The following ATP11C variants were observed in gnomAD, a reference collection of about 807,000 sequenced individuals.
The protein encoded by ATP11C is ATPase phospholipid transporting 11C (ATP11C blood group), also known as phospholipid-transporting ATPase IG.
ATP11C carries 36 observed loss-of-function variants against 97.4 expected under a neutral mutation model. That is an observed-to-expected ratio of 0.37 (90% confidence interval 0.28 to 0.49). The LOEUF is 0.49. ATP11C is among the 20% of genes least tolerant of loss of function. The pLI is 0.98. For synonymous variants in ATP11C, 275 were observed against 290.9 expected, an observed-to-expected ratio of 0.95 and a Z score of 0.56; for missense variants, 730 against 824.6, an observed-to-expected ratio of 0.89 and a Z score of 1.40.
At chrX:139,767,731 G>A (rs758055633) in intron 20 of ATP11C, among the ~76,000 whole-genome samples, 1 of 111,845 alleles carries the variant, frequency 8.9e-6, no homozygotes, top group South Asian at 3.8e-4. Flanking sequence ...TAATTAGGGA[G>A]AAAATAGAGG....
At chrX:139,902,973 T>A (rs765333189) in intron 1 of ATP11C, among the ~76,000 whole-genome samples, 1 of 111,926 alleles carries the variant, frequency 8.9e-6, no homozygotes, top group Non-Finnish European at 1.9e-5. Flanking sequence ...AGAGATAACA[T>A]TGTCTATAAG....
chrX:139,756,526 G>A (rs1191481923), intron 23 of ATP11C, among the ~76,000 whole-genome samples: 8 of 111,534 alleles, frequency 7.2e-5, no homozygotes, highest in South Asian at 3.8e-4. Context: ...ACATATACAC[G>A]TTTACTGCAG....
intron 5 of ATP11C, among the ~76,000 whole-genome samples, chrX:139,810,217 T>C (rs778082106): frequency 3.0e-4 from 33 of 111,595 alleles, no homozygotes; most frequent in Non-Finnish European, 4.7e-4. Flanking sequence ...TCCCAGCACT[T>C]TGGGAGGCCG....
intron 18 of ATP11C, among the ~76,000 whole-genome samples, chrX:139,779,795 A>G (rs190931001): frequency 8.9e-6 from 1 of 111,816 alleles, no homozygotes; most frequent in African/African-American, 3.2e-5. Context: ...AACAAAAATG[A>G]AAAACAAACA....
At chrX:139,835,070 T>A (rs192068688) in intron 1 of ATP11C, among the ~76,000 whole-genome samples, 1 of 111,944 alleles carries the variant, frequency 8.9e-6, no homozygotes, top group East Asian at 2.8e-4. Flanking sequence ...TATGCTAGAG[T>A]CCACTGGTAG....
chrX:139,933,891 C>T (rs751093454), upstream of ATP11C, among the ~76,000 whole-genome samples: 2 of 112,759 alleles, frequency 1.8e-5, no homozygotes, highest in African/African-American at 6.4e-5. Flanking sequence ...TGGTCGCAAT[C>T]TGGTTGGGGG....
intron 1 of ATP11C, among the ~76,000 whole-genome samples, chrX:139,925,385 A>C (rs1275529016): frequency 1.8e-5 from 2 of 109,125 alleles, no homozygotes; most frequent in Non-Finnish European, 3.8e-5. Context: ...TCCCAGGTTC[A>C]AGTGATTCTC....
At chrX:139,828,592 T>C (rs1015584368) in intron 1 of ATP11C, among the ~76,000 whole-genome samples, 3 of 112,022 alleles carry the variant, frequency 2.7e-5, no homozygotes, top group African/African-American at 9.7e-5. Flanking sequence ...AGTCCACGTA[T>C]ACATTGCAAT....
chrX:139,769,326 A>ATATATATATATATATATT (rs2082208344), intron 19 of ATP11C, among the ~76,000 whole-genome samples: 2 of 67,023 alleles, frequency 3.0e-5, no homozygotes, highest in Admixed American at 1.9e-4. Context: ...ATATATATAT[A>ATATATATATATATATATT]TTCTTTAAAT....
intron 1 of ATP11C, among the ~76,000 whole-genome samples, chrX:139,898,344 G>C (rs2084843489): frequency 8.9e-6 from 1 of 111,793 alleles, no homozygotes; most frequent in African/African-American, 3.3e-5. Flanking sequence ...CAAATCTTTA[G>C]GGCTGCATCT....
chrX:139,868,917 G>GT (rs1364153130), intron 1 of ATP11C, among the ~76,000 whole-genome samples: 3 of 111,235 alleles, frequency 2.7e-5, no homozygotes, highest in African/African-American at 9.8e-5. Context: ...CCATAATGAG[G>GT]TATCACTTCA....
intron 5 of ATP11C, among the ~76,000 whole-genome samples, chrX:139,811,290 T>C (rs1359279371): frequency 9.0e-6 from 1 of 111,577 alleles, no homozygotes; most frequent in Non-Finnish European, 1.9e-5. Flanking sequence ...ATACGGTATG[T>C]ACAGACTGAT....
chrX:139,745,654 C>A lies in ATP11C; in HGVS notation c.2964+68G>T. ...AGCTAGAGTATGTATATGACAAATC[C>A]AGCACCTATGGGAAAAAGACAAGCC... On this transcript the variant is annotated intron_variant, in intron 25 of 29. Coordinates refer to ENST00000682941, the MANE Select transcript of ATP11C (RefSeq NM_001353812.2). 1.8e-6 allele frequency: 2 copies of A among 1,108,534 alleles called. 1 individual carries two copies. The highest frequency in any genetic ancestry group is 2.4e-6 in the Non-Finnish European group (2 of 829,090). 91.4% of individuals were successfully genotyped at this position (1,108,534 alleles called of 1,213,427 possible).
At position 139,728,747 on chromosome X, in the gene ATP11C, G is replaced by T. The variant is rs112668027; in HGVS notation, c.*219C>A. ...TTAACTTACAGCTTTGGCCATAAAG[G>T]CTACTTACAATAATGGTAAATGCTT... On this transcript the variant is annotated 3_prime_UTR_variant, in exon 30 of 30. Transcript: ENST00000682941. The T allele has an allele frequency of 5.1e-6, 2 of 389,419 alleles. No individual in the cohort carries two copies. Among genetic ancestry groups the T allele is most frequent in the Non-Finnish European group, 4.4e-6 (1 of 225,691 alleles). The allele number at this position is 389,419 out of a possible 1,213,427, so 32.1% of individuals were successfully genotyped here.
intron 1 of ATP11C, among the ~76,000 whole-genome samples, chrX:139,881,598 A>G (rs1408385654): frequency 8.9e-6 from 1 of 111,848 alleles, no homozygotes; most frequent in Non-Finnish European, 1.9e-5. Flanking sequence ...TTCATACATT[A>G]CAAACTGGCT....
At chrX:139,735,041 C>T (rs1467639561) in intron 28 of ATP11C, among the ~76,000 whole-genome samples, 1 of 111,185 alleles carries the variant, frequency 9.0e-6, no homozygotes, top group Non-Finnish European at 1.9e-5. Context: ...TGTTTAATAC[C>T]TGCTTACAGA....
intron 1 of ATP11C, among the ~76,000 whole-genome samples, chrX:139,883,278 A>G (rs2084589126): frequency 9.1e-6 from 1 of 110,431 alleles, no homozygotes; most frequent in Non-Finnish European, 1.9e-5. Context: ...AAGCCACTCA[A>G]AAGTTTCATG....
chrX:139,868,954 A>G (rs1342821927), intron 1 of ATP11C, among the ~76,000 whole-genome samples: 4 of 111,965 alleles, frequency 3.6e-5, no homozygotes, highest in African/African-American at 6.5e-5. Flanking sequence ...TATTATCAAA[A>G]AAATCAAAAG....
At chrX:139,934,282 T>A (rs1198512696), upstream of ATP11C, among the ~76,000 whole-genome samples, 1 of 111,686 alleles carries the variant, frequency 9.0e-6, no homozygotes, top group Non-Finnish European at 1.9e-5. Flanking sequence ...CATCTCCCAA[T>A]AAAATGCAAA....
Sources: allele counts gnomAD v4.1 joint callset (sites outside exome capture counted in the v4.1 genomes callset), GRCh38; gene constraint gnomAD v4.1.1; transcripts MANE v1.5; gene names NCBI Gene and HGNC (gene_info 2026-07-23, HGNC 2026-07-21).